The following L1CAM variants were observed in gnomAD, a reference collection of about 807,000 sequenced individuals.
The protein encoded by L1CAM is L1 cell adhesion molecule.
L1CAM carries 8 observed loss-of-function variants against 93.0 expected under a neutral mutation model. The ratio of observed to expected loss-of-function variants is 0.09; its 90% confidence interval spans 0.05 to 0.16. The LOEUF (loss-of-function observed/expected upper bound fraction) is 0.16, where lower values mean the gene tolerates loss of function less well. Ranked by LOEUF, L1CAM falls within the 10% of genes least tolerant of loss-of-function variation. L1CAM has a pLI of 1.00. For missense variants in L1CAM, 777 were observed against 1,073.4 expected, an observed-to-expected ratio of 0.72 and a Z score of 3.86; for synonymous variants, 453 against 453.0, an observed-to-expected ratio of 1.00 and a Z score of 0.00.
At chrX:153,873,915 A>G (rs782476668) in intron 2 of L1CAM, among the ~76,000 whole-genome samples, 238 of 112,568 alleles carry the variant, frequency 2.1e-3, no homozygotes, top group Non-Finnish European at 4.0e-3. Context: ...AGCACTGGCC[A>G]GGGCGGCCTC....
At chrX:153,885,375 C>T (rs2064872369) in intron 1 of L1CAM, 1 of 980,808 alleles carries the variant, frequency 1.0e-6, no homozygotes, top group African/African-American at 2.0e-5. Flanking sequence ...CCTGTGGAAA[C>T]GGGCTCCAGA....
In L1CAM at chrX:153,866,875, G is replaced by A. The variant is rs2064718913; in HGVS notation, c.2209-4C>T. On this transcript the variant is annotated splice_polypyrimidine_tract_variant and splice_region_variant and intron_variant, in intron 18 of 28. Coordinates refer to ENST00000370060, the MANE Select transcript of L1CAM (RefSeq NM_001278116.2). The stretch of plus-strand genomic sequence containing the variant: ...TCCAGTCCATCCACCGGAGCGGCTG[G>A]AGGAGGCCAGCAGAAGAGGAGTTGG... 1.7e-6 allele frequency: 2 copies of A among 1,204,527 alleles called. No homozygotes were observed. Among genetic ancestry groups the A allele is most frequent in the African/African-American group, 1.8e-5 (1 of 56,984 alleles).
chrX:153,872,430 G>T, intron 4 of L1CAM, 76 bp from the exon 5 acceptor site: 1 of 1,058,651 alleles, frequency 9.4e-7, no homozygotes, highest in Non-Finnish European at 1.3e-6. Context: ...AGGGACAGGT[G>T]CAAGCAGCCA....
chrX:153,862,620 G>C lies in L1CAM; in HGVS notation c.*43C>G. On this transcript the variant is annotated 3_prime_UTR_variant, in exon 29 of 29. Coordinates refer to ENST00000370060, the MANE Select transcript of L1CAM (RefSeq NM_001278116.2). ...GGCCTGCTGGAGAGGGAGGGGCCTGGATCCCAAGGCCAGGGGCACAGCATC... is the reference window on the plus strand; with the variant it reads ...GGCCTGCTGGAGAGGGAGGGGCCTGCATCCCAAGGCCAGGGGCACAGCATC... 1 of 1,084,026 alleles carries C rather than the reference G, an allele frequency of 9.2e-7. No homozygotes were observed. The allele number at this position is 1,084,026 out of a possible 1,213,427, so 89.3% of individuals were successfully genotyped here. A position where few individuals can be genotyped will look rare whatever the true frequency, so the allele number is the denominator to read the frequency against.
At chrX:153,880,452 G>T (rs1320792627) in intron 1 of L1CAM, 5 of 236,245 alleles carry the variant, frequency 2.1e-5, no homozygotes, top group Non-Finnish European at 3.2e-5. Context: ...GGGACATGGT[G>T]CCTGGTGACT....
chrX:153,873,237 C>T lies in L1CAM; in HGVS notation c.82G>A (p.Gly28Arg), dbSNP rs1557093752. Residue 28 changes from glycine (G) to arginine (R), a missense_variant, in exon 3 of 29, where the codon GGA (glycine) becomes AGA (arginine). By Grantham distance (125) the Gly-to-Arg change is moderately radical (BLOSUM62 -2). This residue lies in a region of L1CAM where 574 missense variants were observed against 781.0 expected (regional missense o/e 0.73). Coordinates refer to ENST00000370060, the MANE Select transcript of L1CAM (RefSeq NM_001278116.2). Reference sequence around the variant, plus strand: ...CCCCTCCCCAACTTACCATGGTGTCCTTCATCTGAGAAATCCAGGCAGGCA... The same window carrying T: ...CCCCTCCCCAACTTACCATGGTGTCTTTCATCTGAGAAATCCAGGCAGGCA... ...LLIQIPEEYE[G>R]HHVMEPPVIT... The T allele has an allele frequency of 1.7e-6, 2 of 1,210,977 alleles. No homozygotes were observed. Among genetic ancestry groups the T allele is most frequent in the South Asian group, 3.5e-5 (2 of 56,990 alleles).
intron 2 of L1CAM, 49 bp from the exon 3 acceptor site, chrX:153,873,291 A>C: frequency 8.6e-7 from 1 of 1,164,546 alleles, no homozygotes; most frequent in Non-Finnish European, 1.2e-6. Context: ...AGAAATACTG[A>C]CAGGCAGCCC....
Position 153,875,757 on chromosome X carries a change from T to C in L1CAM, c.76+4A>G. ...AGGCGCCCAGGCTCCCTTCAGCTACTCACATTCCTCGGGGATCTGGATAAG... is the reference window on the plus strand; with the variant it reads ...AGGCGCCCAGGCTCCCTTCAGCTACCCACATTCCTCGGGGATCTGGATAAG... On this transcript the variant is annotated splice_donor_region_variant and intron_variant, in intron 2 of 28. Coordinates refer to ENST00000370060, the MANE Select transcript of L1CAM (RefSeq NM_001278116.2). The C allele has an allele frequency of 8.3e-7, 1 of 1,208,674 alleles. No individual in the cohort carries two copies. The highest frequency in any genetic ancestry group is 1.1e-6 in the Non-Finnish European group (1 of 892,828).
chrX:153,862,970 C>A, intron 28 of L1CAM, 76 bp from the exon 29 acceptor site: 1 of 794,828 alleles, frequency 1.3e-6, no homozygotes, highest in Non-Finnish European at 1.8e-6. Context: ...GTGAGGCAGA[C>A]GCCCGCCTGC....
At position 153,861,980 on chromosome X, in the gene L1CAM, A is replaced by G. The variant is rs1557088945; in HGVS notation, c.*683T>C. ...AGGTGTGCCCGCCCCGCAGCCAGGT[A>G]GTGACGGAGGCCACTTGGATGTTGT... On this transcript the variant is annotated 3_prime_UTR_variant, in exon 29 of 29. Transcript: ENST00000370060. 1 of 110,723 alleles carries G rather than the reference A, an allele frequency of 9.0e-6. No individual in the cohort carries two copies. Among genetic ancestry groups the G allele is most frequent in the African/African-American group, 3.3e-5 (1 of 30,306 alleles). The allele number at this position is 110,723 out of a possible 1,213,427, so 9.1% of individuals were successfully genotyped here. A position where few individuals can be genotyped will look rare whatever the true frequency, so the allele number is the denominator to read the frequency against.
Position 153,868,341 on chromosome X carries a change from C to T in L1CAM, c.1664G>A (p.Gly555Glu). The T allele has an allele frequency of 8.3e-7, 1 of 1,211,570 alleles. No homozygotes were observed. The highest frequency in any genetic ancestry group is 1.1e-6 in the Non-Finnish European group (1 of 895,381). ...PSLQPSITWR[G>E]DGRDLQELGD... ...AAGCTCCTGGAGGTCTCGACCGTCCCCACGCCAGGTGATGCTGGGCTGCAA... is the reference window on the plus strand; with the variant it reads ...AAGCTCCTGGAGGTCTCGACCGTCCTCACGCCAGGTGATGCTGGGCTGCAA... The change falls in exon 14 of 29, where the codon GGG becomes GAG. Residue 555 changes from glycine to glutamate, a missense_variant. Gly to Glu is a moderately conservative substitution (Grantham distance 98). Around this residue, in one of 5 missense-constraint regions of L1CAM, gnomAD observed 574 missense variants for 781.0 expected, o/e 0.73. Transcript: ENST00000370060.
chrX:153,871,039 C>A lies in L1CAM; in HGVS notation c.523+18G>T. 8.3e-7 allele frequency: 1 copy of A among 1,211,178 alleles called. No individual in the cohort carries two copies. The highest frequency in any genetic ancestry group is 1.7e-5 in the African/African-American group (1 of 57,692). The stretch of plus-strand genomic sequence containing the variant: ...CTAACACCCCGACCCCACGAGGCAG[C>A]CGCTCGCCGGCACCCACTGCTGTTC... On this transcript the variant is annotated intron_variant, in intron 6 of 28. Coordinates refer to ENST00000370060, the MANE Select transcript of L1CAM (RefSeq NM_001278116.2).
intron 1 of L1CAM, chrX:153,885,669 G>A (rs910511402): frequency 1.0e-5 from 3 of 292,960 alleles, no homozygotes; most frequent in Admixed American, 5.8e-5. Flanking sequence ...CACACCCCAC[G>A]GCGGCCTGTG....
In L1CAM at chrX:153,865,715, G is replaced by A. The variant is rs1373663966; in HGVS notation, c.2536C>T (p.Arg846Cys). The A allele has an allele frequency of 2.0e-5, 24 of 1,200,946 alleles. No homozygotes were observed. Among genetic ancestry groups the A allele is most frequent in the Middle Eastern group, 2.3e-4 (1 of 4,352 alleles). Residue 846 changes from arginine (R) to cysteine (C), a missense_variant, in exon 20 of 29, where the codon CGC becomes TGC. Physicochemically the swap from Arg to Cys is radical, Grantham distance 180. Coordinates refer to ENST00000370060, the MANE Select transcript of L1CAM (RefSeq NM_001278116.2). The part of the protein sequence containing the change: ...VDLAQVKGHL[R>C]GYNVTYWREG... ...CCTTCAACCCTTACATTGTATCCGC[G>A]GAGGTGGCCCTTGACCTGGGCCAGG...
At chrX:153,874,729 G>A (rs1393136059) in intron 2 of L1CAM, among the ~76,000 whole-genome samples, 1 of 112,245 alleles carries the variant, frequency 8.9e-6, no homozygotes, top group African/African-American at 3.2e-5. Flanking sequence ...AAGGTGTCAA[G>A]GTGAGGCTGG....
Position 153,863,625 on chromosome X carries a change from A to G in L1CAM, c.3458-76T>C. The stretch of plus-strand genomic sequence containing the variant: ...GGCTCCAGGCCCCTCTACGCCCCGC[A>G]CCCCCAGCACTCTGTCTCAACAGCG... On this transcript the variant is annotated intron_variant, in intron 26 of 28. Coordinates refer to ENST00000370060, the MANE Select transcript of L1CAM (RefSeq NM_001278116.2). 5.2e-6 allele frequency: 5 copies of G among 962,062 alleles called. No individual in the cohort carries two copies. The Admixed American group carries it at 1.3e-4, about 24-fold the overall frequency. 79.3% of individuals were successfully genotyped at this position (962,062 alleles called of 1,213,427 possible).
intron 28 of L1CAM, 37 bp downstream of exon 28, chrX:153,863,331 C>T (rs1157017214): frequency 4.2e-6 from 5 of 1,197,134 alleles, no homozygotes; most frequent in Non-Finnish European, 5.7e-6. Flanking sequence ...TATAGGGAGA[C>T]CTTGCTGTTG....
At chrX:153,882,649 C>T (rs1397785953) in intron 1 of L1CAM, among the ~76,000 whole-genome samples, 2 of 110,554 alleles carry the variant, frequency 1.8e-5, no homozygotes, top group African/African-American at 6.6e-5. Context: ...TCAAGTTCCA[C>T]TCTCAGACCC....
intron 2 of L1CAM, among the ~76,000 whole-genome samples, chrX:153,875,248 T>C (rs1212646273): frequency 1.8e-5 from 2 of 111,432 alleles, no homozygotes; most frequent in African/African-American, 6.5e-5. Flanking sequence ...GACCAGGGTT[T>C]TTCAAGCCAC....
Sources: gnomAD v4.1 joint callset for allele counts (sites outside exome capture counted in the v4.1 genomes callset) on GRCh38, gnomAD v4.1.1 for gene constraint, gnomAD v4.1.1 regional missense constraint, MANE v1.5 for transcripts, NCBI Gene and HGNC (gene_info 2026-07-23, HGNC 2026-07-21) for gene names.